The following XDH variants were observed in gnomAD, a reference collection of about 807,000 sequenced individuals.
XDH encodes xanthine dehydrogenase.
XDH carries 138 observed loss-of-function variants against 156.1 expected under a neutral mutation model. The observed-to-expected ratio is 0.88, with a 90% CI of 0.77 to 1.02. The LOEUF is 1.02. Among genes scored for constraint, XDH ranks in the 50% least tolerant of loss-of-function variants. The pLI is 0.00. For synonymous variants in XDH, 669 were observed against 625.7 expected, an observed-to-expected ratio of 1.07 and a Z score of -1.03; for missense variants, 1,849 against 1,684.9, an observed-to-expected ratio of 1.10 and a Z score of -1.71.
intron 4 of XDH, 93 bp downstream of exon 4, chr2:31,401,127 A>C (rs1687047458): frequency 7.0e-7 from 1 of 1,434,016 alleles, no homozygotes; most frequent in African/African-American, 1.4e-5. Context: ...AACTCTTCCC[A>C]ACAACCCAAA....
At chr2:31,340,504 C>G (rs1299410143) in intron 33 of XDH, among the ~76,000 whole-genome samples, 1 of 152,156 alleles carries the variant, frequency 6.6e-6, no homozygotes, top group African/African-American at 2.4e-5. Context: ...GAGTCTTGCT[C>G]TATCGCCCAG....
At chr2:31,360,013 C>T (rs1315786915) in intron 24 of XDH, among the ~76,000 whole-genome samples, 1 of 152,152 alleles carries the variant, frequency 6.6e-6, no homozygotes, top group African/African-American at 2.4e-5. Flanking sequence ...ACCAGAGAAA[C>T]TCCTTTAGTT....
At position 31,397,682 on chromosome 2, in the gene XDH, G is replaced by A. The variant is rs548839485; in HGVS notation, c.481C>T (p.Arg161Trp). Residue 161 changes from arginine (R) to tryptophan (W), a missense_variant, in exon 6 of 36, where the codon CGG becomes TGG. Coordinates refer to ENST00000379416, the MANE Select transcript of XDH (RefSeq NM_000379.4). ...TGYRPILQGF[R>W]TFARDGGCCG... ...TCCCCACTTACCCTGGCAAAGGTCC[G>A]GAAGCCCTGGAGGATGGGTCTGTAG... 35 of 1,614,174 alleles carry A rather than the reference G, an allele frequency of 2.2e-5. No individual in the cohort carries two copies. The East Asian group carries it at 2.5e-4, about 11-fold the overall frequency.
intron 31 of XDH, among the ~76,000 whole-genome samples, chr2:31,342,577 T>C (rs1290207040): frequency 6.6e-6 from 1 of 152,088 alleles, no homozygotes. Flanking sequence ...CTCTGCACAG[T>C]AGAAAGAGAG....
At chr2:31,375,288 C>A in intron 15 of XDH, 92 bp downstream of exon 15, 2 of 1,511,320 alleles carry the variant, frequency 1.3e-6, no homozygotes, top group Non-Finnish European at 9.2e-7. Flanking sequence ...CCTCAGATGT[C>A]CAGAGGAGAG....
At position 31,348,512 on chromosome 2, in the gene XDH, T is replaced by A. The variant is rs572981814; in HGVS notation, c.3052-149A>T. 213 of 739,496 alleles carry A rather than the reference T, an allele frequency of 2.9e-4. 2 individuals carry two copies. Among genetic ancestry groups the A allele is most frequent in the South Asian group, 1.9e-3 (123 of 64,582 alleles). 45.8% of individuals were successfully genotyped at this position (739,496 alleles called of 1,614,324 possible). A position where few individuals can be genotyped will look rare whatever the true frequency, so the allele number is the denominator to read the frequency against. On this transcript the variant is annotated intron_variant, in intron 27 of 35. Coordinates refer to ENST00000379416, the MANE Select transcript of XDH (RefSeq NM_000379.4). ...AAAAATTATGGCAGTATGAATCTCA[T>A]GATTTAATTATATAGCACTTCAGTA...
intron 31 of XDH, 86 bp downstream of exon 31, chr2:31,344,598 G>A (rs1685228862): frequency 6.7e-7 from 1 of 1,495,730 alleles, no homozygotes; most frequent in South Asian, 1.1e-5. Flanking sequence ...CCTGACCACA[G>A]CCTGGCAGGA....
At chr2:31,407,286 A>T (rs1687218843) in intron 1 of XDH, among the ~76,000 whole-genome samples, 1 of 152,202 alleles carries the variant, frequency 6.6e-6, no homozygotes, top group South Asian at 2.1e-4. Flanking sequence ...CTCCTCATTA[A>T]ACTTAAGTTG....
At chr2:31,336,468 C>A (rs1029165642) in intron 35 of XDH, among the ~76,000 whole-genome samples, 8 of 152,012 alleles carry the variant, frequency 5.3e-5, no homozygotes, top group African/African-American at 1.9e-4. Flanking sequence ...ACTGTGGCAG[C>A]TTATTGGGAG....
rs193135774 is a variant in XDH, at chr2:31,365,834, G to C, written c.2456+142C>G. ...ATGTTACCCTCCCACTATGCCCAAG[G>C]GTTCTAAAAACAGAGGGCTGTGAGA... On this transcript the variant is annotated intron_variant, in intron 22 of 35. Transcript: ENST00000379416. 7.9e-5 allele frequency: 112 copies of C among 1,409,812 alleles called. No homozygotes were observed. The Middle Eastern group carries it at 9.8e-4, about 12-fold the overall frequency. 87.3% of individuals were successfully genotyped at this position (1,409,812 alleles called of 1,614,324 possible). A position where few individuals can be genotyped will look rare whatever the true frequency, so the allele number is the denominator to read the frequency against.
chr2:31,337,913 C>G, intron 34 of XDH, 96 bp from the exon 35 acceptor site: 1 of 1,381,246 alleles, frequency 7.2e-7, no homozygotes, highest in Non-Finnish European at 9.9e-7. Flanking sequence ...AAACTCTGCA[C>G]GAGGAGGGCT....
rs149853739 is a variant in XDH, at chr2:31,383,812, T to C, written c.829A>G (p.Met277Val). ...GGGATCCAGGCTGGGCAGACAATCA[T>C]AGGAAACAGCATATTCTTGAACTTC... ...EMKFKNMLFPMIVCPAWIPEL... is the reference protein window; with the variant it reads ...EMKFKNMLFPVIVCPAWIPEL... The change falls in exon 10 of 36, where the codon ATG (methionine) becomes GTG (valine). Residue 277 changes from methionine to valine, a missense_variant. Coordinates refer to ENST00000379416, the MANE Select transcript of XDH (RefSeq NM_000379.4). The C allele has an allele frequency of 1.2e-5, 20 of 1,613,932 alleles. No individual in the cohort carries two copies. The highest frequency in any genetic ancestry group is 2.7e-5 in the African/African-American group (2 of 74,916).
chr2:31,375,929 A>C (rs1686232314), intron 14 of XDH, among the ~76,000 whole-genome samples: 1 of 152,222 alleles, frequency 6.6e-6, no homozygotes. Context: ...AGATTAAGTA[A>C]CTTGACTTAT....
intron 4 of XDH, among the ~76,000 whole-genome samples, chr2:31,400,834 G>C (rs1156965882): frequency 2.0e-5 from 3 of 152,158 alleles, no homozygotes; most frequent in Non-Finnish European, 2.9e-5. Context: ...TATAAACAAG[G>C]GGCACAGATA....
chr2:31,375,864 T>C (rs753836516), intron 14 of XDH, among the ~76,000 whole-genome samples: 2 of 152,196 alleles, frequency 1.3e-5, no homozygotes, highest in Non-Finnish European at 2.9e-5. Context: ...AATTTGAAAA[T>C]GTAGTAAGCA....
intron 31 of XDH, among the ~76,000 whole-genome samples, chr2:31,343,303 TA>T (rs1378756842): frequency 6.9e-4 from 77 of 111,832 alleles, no homozygotes; most frequent in Non-Finnish European, 9.0e-4. Flanking sequence ...TATATATATA[TA>T]TATATATATA....
At chr2:31,354,794 A>G (rs1225177660) in intron 24 of XDH, among the ~76,000 whole-genome samples, 2 of 152,226 alleles carry the variant, frequency 1.3e-5, no homozygotes, top group Non-Finnish European at 2.9e-5. Flanking sequence ...ATTTGGGACT[A>G]TAACAAAAGA....
Position 31,344,873 on chromosome 2 carries a change from A to G in XDH, c.3352-137T>C, listed in dbSNP as rs1685238792. ...CTAGTGACTCCCATTTCCATACCTT[A>G]CCTTACATTGTCACTGGCACCACCT... is the stretch of plus-strand genomic sequence containing the variant. On this transcript the variant is annotated intron_variant, in intron 30 of 35. Coordinates refer to ENST00000379416, the MANE Select transcript of XDH (RefSeq NM_000379.4). The G allele has an allele frequency of 5.7e-6, 5 of 869,848 alleles. No homozygotes were observed. In the South Asian group the frequency reaches 7.2e-5, roughly 12 times the overall value. The allele number at this position is 869,848 out of a possible 1,614,324, so 53.9% of individuals were successfully genotyped here.
chr2:31,386,907 C>G (rs998893553), intron 8 of XDH, among the ~76,000 whole-genome samples: 1 of 136,986 alleles, frequency 7.3e-6, no homozygotes, highest in African/African-American at 2.7e-5. Context: ...CAGGGGGCAC[C>G]ATGGACAAGG....
Sources: allele counts gnomAD v4.1 joint callset (sites outside exome capture counted in the v4.1 genomes callset), GRCh38; gene constraint gnomAD v4.1.1; transcripts MANE v1.5; gene names NCBI Gene and HGNC (gene_info 2026-07-23, HGNC 2026-07-21).